CABIN1: variants seen among roughly 807,000 people sequenced by gnomAD.
CABIN1 encodes the protein calcineurin binding protein 1, also known as calcineurin-binding protein cabin-1.
In CABIN1, 133 loss-of-function variants were observed where a neutral mutation model predicts 227.7. That is an observed-to-expected ratio of 0.58 (90% CI 0.51 to 0.67). The LOEUF is 0.67. Among genes scored for constraint, CABIN1 ranks in the 30% least tolerant of loss-of-function variants. The pLI is 0.00. For missense variants in CABIN1, 2,408 were observed against 2,852.5 expected (o/e 0.84, Z 3.55); for synonymous variants, 1,086 against 1,155.1 (o/e 0.94, Z 1.21).
At position 24,095,836 on chromosome 22, in the gene CABIN1, T is replaced by C. The variant is rs1373571897; in HGVS notation, c.3787-95T>C. The C allele has an allele frequency of 2.9e-6, 4 of 1,378,470 alleles. No homozygotes were observed. In the African/African-American group the frequency reaches 5.7e-5, roughly 20 times the overall value. 85.4% of individuals were successfully genotyped at this position (1,378,470 alleles called of 1,614,324 possible). A position where few individuals can be genotyped will look rare whatever the true frequency, so the allele number is the denominator to read the frequency against. ...AGCAGTGTGTGGCAGCCTGTTGCCC[T>C]GGTCATGGGCCCATTTCCAGTGTGG... On this transcript the variant is annotated intron_variant, in intron 24 of 36. Coordinates refer to ENST00000263119, the MANE Select transcript of CABIN1 (RefSeq NM_012295.4).
At chr22:24,024,207 T>A (rs987125227) in intron 1 of CABIN1, among the ~76,000 whole-genome samples, 1 of 152,192 alleles carries the variant, frequency 6.6e-6, no homozygotes, top group Non-Finnish European at 1.5e-5. Context: ...GTTTTTTTTT[T>A]ATTATACTTT....
At chr22:24,054,400 C>G (rs1352556330) in intron 8 of CABIN1, among the ~76,000 whole-genome samples, 1 of 152,222 alleles carries the variant, frequency 6.6e-6, no homozygotes, top group East Asian at 1.9e-4. Context: ...GTGCTGCTCC[C>G]CATAGGCCCT....
Position 24,041,119 on chromosome 22 carries a change from C to G in CABIN1, c.211-20C>G. On this transcript the variant is annotated intron_variant, in intron 4 of 36. Transcript: ENST00000263119. ...AGGCTTCAAGGTCTAGTTGTCACTT[C>G]TGTTCTGTTTTGTTCACAGGCAGTT... 6.2e-7 allele frequency: 1 copy of G among 1,614,134 alleles called. No homozygotes were observed. Among genetic ancestry groups the G allele is most frequent in the Non-Finnish European group, 8.5e-7 (1 of 1,179,980 alleles).
At chr22:24,034,619 C>G (rs924312833) in intron 1 of CABIN1, among the ~76,000 whole-genome samples, 1 of 152,136 alleles carries the variant, frequency 6.6e-6, no homozygotes, top group Non-Finnish European at 1.5e-5. Flanking sequence ...TGGGTAGATA[C>G]ACATAGGAGT....
At chr22:24,152,442 C>T (rs2045539812) in intron 29 of CABIN1, among the ~76,000 whole-genome samples, 1 of 152,194 alleles carries the variant, frequency 6.6e-6, no homozygotes, top group Admixed American at 6.5e-5. Flanking sequence ...GGAGAGGAAA[C>T]TGGCTGACTC....
intron 1 of CABIN1, among the ~76,000 whole-genome samples, chr22:24,019,351 C>T (rs1253856708): frequency 6.6e-6 from 1 of 151,254 alleles, no homozygotes; most frequent in Non-Finnish European, 1.5e-5. Context: ...AGGCTAGCCT[C>T]GAACTCCTGA....
At chr22:24,049,763 G>A (rs1318617816) in intron 7 of CABIN1, among the ~76,000 whole-genome samples, 4 of 152,114 alleles carry the variant, frequency 2.6e-5, no homozygotes, top group Non-Finnish European at 5.9e-5. Flanking sequence ...GTTTCCAGGC[G>A]TGGTACCATT....
At chr22:24,054,526 C>T (rs2038627743) in intron 8 of CABIN1, among the ~76,000 whole-genome samples, 1 of 152,216 alleles carries the variant, frequency 6.6e-6, no homozygotes, top group Non-Finnish European at 1.5e-5. Flanking sequence ...AAGACTTGAC[C>T]TTCCTGAGGA....
Position 24,152,876 on chromosome 22 carries a change from C to T in CABIN1, c.4747-11524C>T, listed in dbSNP as rs1399407655. On this transcript the variant is annotated intron_variant, in intron 29 of 36. Transcript: ENST00000263119. ...GAGGCAGGAGAATTGCTTGAACCCACGAGACAGAGGTTGCAGTGAGCCAAG... is the reference window on the plus strand; with the variant it reads ...GAGGCAGGAGAATTGCTTGAACCCATGAGACAGAGGTTGCAGTGAGCCAAG... 3.3e-5 allele frequency among the ~76,000 whole-genome samples: 5 copies of T among 151,862 alleles called. No individual in the cohort carries two copies. The East Asian group carries it at 5.8e-4, about 18-fold the overall frequency.
intron 19 of CABIN1, among the ~76,000 whole-genome samples, chr22:24,082,085 C>CTTT (rs71184946): frequency 6.4e-4 from 78 of 121,164 alleles, no homozygotes; most frequent in Non-Finnish European, 8.7e-4. Flanking sequence ...TATTCTCTCT[C>CTTT]TTTTTTTTTT....
chr22:24,166,298 G>C (rs1024659535), intron 31 of CABIN1, among the ~76,000 whole-genome samples: 1 of 152,214 alleles, frequency 6.6e-6, no homozygotes, highest in Non-Finnish European at 1.5e-5. Flanking sequence ...CGGAGTTCAC[G>C]TCATGGAGTC....
chr22:24,101,236 A>C (rs2042185683), intron 26 of CABIN1, among the ~76,000 whole-genome samples: 1 of 152,232 alleles, frequency 6.6e-6, no homozygotes. Flanking sequence ...CTTTGCTTCA[A>C]AACCAGAAAT....
At position 24,054,750 on chromosome 22, in the gene CABIN1, C is replaced by T. The variant is rs1000892536; in HGVS notation, c.807-123C>T. The T allele has an allele frequency of 4.5e-5, 54 of 1,202,878 alleles. No homozygotes were observed. In the Middle Eastern group the frequency reaches 1.3e-3, roughly 28 times the overall value. 74.5% of individuals were successfully genotyped at this position (1,202,878 alleles called of 1,614,324 possible). A position where few individuals can be genotyped will look rare whatever the true frequency, so the allele number is the denominator to read the frequency against. ...TGAAACCTTGATCACCTCCCCCACCCCCATGGACATGGCAGCTCCAGGAGC... is the reference window on the plus strand; with the variant it reads ...TGAAACCTTGATCACCTCCCCCACCTCCATGGACATGGCAGCTCCAGGAGC... On this transcript the variant is annotated intron_variant, in intron 8 of 36. Coordinates refer to ENST00000263119, the MANE Select transcript of CABIN1 (RefSeq NM_012295.4).
chr22:24,063,657 A>G (rs2039364574), intron 14 of CABIN1, among the ~76,000 whole-genome samples: 1 of 152,190 alleles, frequency 6.6e-6, no homozygotes, highest in Non-Finnish European at 1.5e-5. Flanking sequence ...GAATGAGTCA[A>G]GAGATTGCTA....
intron 29 of CABIN1, among the ~76,000 whole-genome samples, chr22:24,159,052 T>C (rs1191371265): frequency 6.6e-6 from 1 of 152,246 alleles, no homozygotes; most frequent in Non-Finnish European, 1.5e-5. Flanking sequence ...CCTGACTCTC[T>C]CTGCCTGTGG....
At chr22:24,053,085 T>C (rs1245841681) in intron 8 of CABIN1, among the ~76,000 whole-genome samples, 3 of 147,382 alleles carry the variant, frequency 2.0e-5, no homozygotes, top group Non-Finnish European at 3.0e-5. Flanking sequence ...TTTCTTTTTT[T>C]TTTTTTTTTT....
rs2146864362 is a variant in CABIN1, at chr22:24,076,028, A to AT, written c.2633-141_2633-140insT. The AT allele has an allele frequency of 6.1e-6, 4 of 658,434 alleles. No homozygotes were observed. In the East Asian group the frequency reaches 1.1e-4, roughly 18 times the overall value. 40.8% of individuals were successfully genotyped at this position (658,434 alleles called of 1,614,324 possible). On this transcript the variant is annotated intron_variant, in intron 18 of 36. Coordinates refer to ENST00000263119, the MANE Select transcript of CABIN1 (RefSeq NM_012295.4). ...CTACTTATTTAAAAAGGCAAAAAAA[A>AT]AAAAAAAAGGGAAAGGAAAAGTCTG...
chr22:24,017,717 A>G (rs2035407482), intron 1 of CABIN1, among the ~76,000 whole-genome samples: 1 of 151,852 alleles, frequency 6.6e-6, no homozygotes, highest in Non-Finnish European at 1.5e-5. Flanking sequence ...TGAATAATAA[A>G]TGTTTCATTG....
chr22:24,065,023 G>A (rs1175134654), intron 15 of CABIN1, among the ~76,000 whole-genome samples: 1 of 152,228 alleles, frequency 6.6e-6, no homozygotes, highest in Non-Finnish European at 1.5e-5. Context: ...TTCTCAATGA[G>A]CTGTTGGGTA....
Sources: allele counts gnomAD v4.1 joint callset (sites outside exome capture counted in the v4.1 genomes callset), GRCh38; gene constraint gnomAD v4.1.1; transcripts MANE v1.5; gene names NCBI Gene and HGNC (gene_info 2026-07-23, HGNC 2026-07-21).